Variants in MFHAS1 observed in about 807,000 individuals in gnomAD.
The protein encoded by MFHAS1 is multifunctional ROCO family signaling regulator 1.
Under a neutral mutation model 70.4 loss-of-function variants are expected in MFHAS1, and 50 were observed. The observed-to-expected ratio is 0.71, with a 90% CI of 0.57 to 0.90. The LOEUF is 0.90. MFHAS1 is among the 40% of genes least tolerant of loss of function. MFHAS1 has a pLI of 0.00. For missense variants in MFHAS1, 1,795 were observed against 1,347.6 expected (o/e 1.33, Z -5.20); for synonymous variants, 952 against 620.0 (o/e 1.54, Z -7.96).
At position 8,892,631 on chromosome 8, in the gene MFHAS1, C is replaced by A; in HGVS notation, c.428G>T (p.Ser143Ile). ...GGGCAGGGCGGGCAGCTGGTTGTGGCTGAGGTTGAGCTTCCGCAGCTCCCT... is the reference window on the plus strand; with the variant it reads ...GGGCAGGGCGGGCAGCTGGTTGTGGATGAGGTTGAGCTTCCGCAGCTCCCT... ...ALRELRKLNL[S>I]HNQLPALPAQ... The change falls in exon 1 of 3, where the codon AGC (serine) becomes ATC (isoleucine). Residue 143 changes from serine to isoleucine, a missense_variant. Transcript: ENST00000276282. The surrounding 1 kb of genome is among the most constrained non-coding windows in gnomAD (Gnocchi z 4.7). The A allele has an allele frequency of 6.2e-7, 1 of 1,604,672 alleles. No homozygotes were observed.
chr8:8,807,352 G>A (rs147414095), intron 1 of MFHAS1, among the ~76,000 whole-genome samples: 2 of 152,102 alleles, frequency 1.3e-5, no homozygotes, highest in East Asian at 3.9e-4. Context: ...AGATTCCAAA[G>A]AGAATCACTT....
chr8:8,884,181 C>T (rs975886706), intron 1 of MFHAS1, among the ~76,000 whole-genome samples: 1 of 151,974 alleles, frequency 6.6e-6, no homozygotes, highest in Non-Finnish European at 1.5e-5. Context: ...AAAGAAGAGG[C>T]ACCTAATATT....
chr8:8,852,078 C>A (rs1049834990), intron 1 of MFHAS1, among the ~76,000 whole-genome samples: 1 of 152,154 alleles, frequency 6.6e-6, no homozygotes, highest in Non-Finnish European at 1.5e-5. Flanking sequence ...AGACCCCTCT[C>A]CAGCACCATG....
At chr8:8,846,321 A>AAGGAGGAGT (rs1427450476) in intron 1 of MFHAS1, among the ~76,000 whole-genome samples, 5 of 86,722 alleles carry the variant, frequency 5.8e-5, no homozygotes, top group Non-Finnish European at 1.1e-4. Context: ...GAAGGAGGAG[A>AAGGAGGAGT]AGGAGGAGTA....
chr8:8,793,009 C>T (rs961935381), intron 2 of MFHAS1, among the ~76,000 whole-genome samples: 13 of 152,078 alleles, frequency 8.5e-5, no homozygotes, highest in Admixed American at 2.0e-4. Context: ...TGATAATCAG[C>T]AAGGGGGAGA....
chr8:8,824,887 C>T (rs913525140), intron 1 of MFHAS1, among the ~76,000 whole-genome samples: 1 of 152,198 alleles, frequency 6.6e-6, no homozygotes, highest in Admixed American at 6.5e-5. Context: ...AGGAAGGCTG[C>T]GCTGGCCTCA....
chr8:8,804,628 T>A (rs1192511513), intron 1 of MFHAS1, among the ~76,000 whole-genome samples: 1 of 152,196 alleles, frequency 6.6e-6, no homozygotes, highest in Non-Finnish European at 1.5e-5. Context: ...ACAAACTCAG[T>A]GTCAGCACTT....
chr8:8,886,640 C>G (rs1019055398), intron 1 of MFHAS1, among the ~76,000 whole-genome samples: 1 of 152,084 alleles, frequency 6.6e-6, no homozygotes, highest in African/African-American at 2.4e-5. Context: ...TACATTTTTT[C>G]TGTATAAAAT....
chr8:8,838,433 C>T (rs1044757189), intron 1 of MFHAS1, among the ~76,000 whole-genome samples: 1 of 152,224 alleles, frequency 6.6e-6, no homozygotes, highest in Middle Eastern at 3.2e-3. Context: ...CGCTATCCTG[C>T]TGTGTTTTCA....
intron 1 of MFHAS1, among the ~76,000 whole-genome samples, chr8:8,860,516 C>T (rs1390708435): frequency 1.3e-5 from 2 of 152,214 alleles, no homozygotes; most frequent in Non-Finnish European, 2.9e-5. Context: ...CCTACATACA[C>T]TTGTACCGGA....
intron 1 of MFHAS1, among the ~76,000 whole-genome samples, chr8:8,887,996 G>A (rs1021008564): frequency 1.6e-4 from 25 of 152,102 alleles, no homozygotes; most frequent in African/African-American, 6.0e-4. Flanking sequence ...ATTAAGAATG[G>A]CTTCAGGTTG....
intron 1 of MFHAS1, among the ~76,000 whole-genome samples, chr8:8,861,216 G>C (rs1179870443): frequency 6.6e-6 from 1 of 152,224 alleles, no homozygotes; most frequent in Non-Finnish European, 1.5e-5. Context: ...CTCAGGCCTT[G>C]TGTCTTACAA....
chr8:8,863,537 C>T (rs1188070275), intron 1 of MFHAS1, among the ~76,000 whole-genome samples: 1 of 152,164 alleles, frequency 6.6e-6, no homozygotes, highest in African/African-American at 2.4e-5. Flanking sequence ...TTTCTTGTTC[C>T]ACTGGCCATA....
chr8:8,863,323 G>C (rs1422501926), intron 1 of MFHAS1, among the ~76,000 whole-genome samples: 1 of 152,114 alleles, frequency 6.6e-6, no homozygotes, highest in African/African-American at 2.4e-5. Flanking sequence ...ACCCCCAATG[G>C]ATATATCACA....
intron 1 of MFHAS1, among the ~76,000 whole-genome samples, chr8:8,874,723 A>C (rs1004064333): frequency 1.3e-5 from 2 of 152,254 alleles, no homozygotes; most frequent in Admixed American, 6.5e-5. Flanking sequence ...AGGTTTTTTT[A>C]AGCTCTAGAA....
At position 8,890,453 on chromosome 8, in the gene MFHAS1, T is replaced by A. The variant is rs750186126; in HGVS notation, c.2606A>T (p.Asn869Ile). 6.2e-6 allele frequency: 10 copies of A among 1,613,920 alleles called. No individual in the cohort carries two copies. The South Asian group carries it at 1.1e-4, about 18-fold the overall frequency. Residue 869 changes from asparagine to isoleucine, a missense_variant, in exon 1 of 3, where the codon AAC becomes ATC. Transcript: ENST00000276282. ...PHAEAWINGT[N>I]LAGQSFVAEQ... is the part of the protein sequence containing the mutation. The stretch of plus-strand genomic sequence containing the variant: ...AGCCACAAAAGACTGCCCAGCTAGG[T>A]TGGTCCCATTAATCCAGGCTTCTGC...
chr8:8,884,949 C>T (rs2116937111), intron 1 of MFHAS1, among the ~76,000 whole-genome samples: 1 of 151,670 alleles, frequency 6.6e-6, no homozygotes, highest in African/African-American at 2.4e-5. Context: ...TGAGACCCTG[C>T]CCCCACCCCC....
intron 2 of MFHAS1, among the ~76,000 whole-genome samples, chr8:8,786,823 G>A (rs1805560283): frequency 2.0e-5 from 3 of 151,466 alleles, no homozygotes; most frequent in Admixed American, 1.3e-4. Context: ...CTGATTTCAT[G>A]GACACTGATA....
At position 8,891,356 on chromosome 8, in the gene MFHAS1, C is replaced by T. The variant is rs1417162245; in HGVS notation, c.1703G>A (p.Gly568Glu). The change falls in exon 1 of 3, where the codon GGA (glycine) becomes GAA (glutamate). Residue 568 changes from glycine (G) to glutamate (E), a missense_variant. Gly to Glu is a moderately conservative substitution (Grantham distance 98, BLOSUM62 -2). Coordinates refer to ENST00000276282, the MANE Select transcript of MFHAS1 (RefSeq NM_004225.3). The surrounding 1 kb of genome is among the most constrained non-coding windows in gnomAD (Gnocchi z 5.4). ...CACCACCTTGGCCAAGCGGCTCAGT[C>T]CCTCCGCGTCGTGCTTCTCCTGCAG... ...IALQEKHDAE[G>E]LSRLAKVVDE... The T allele has an allele frequency of 6.2e-7, 1 of 1,611,100 alleles. No homozygotes were observed.
Sources: allele counts gnomAD v4.1 joint callset (sites outside exome capture counted in the v4.1 genomes callset), GRCh38; gene constraint gnomAD v4.1.1; non-coding constraint Gnocchi (gnomAD v3.1); transcripts MANE v1.5; gene names NCBI Gene and HGNC (gene_info 2026-07-23, HGNC 2026-07-21).